The following SMAD1 variants were observed in gnomAD, a reference collection of about 807,000 sequenced individuals.
The protein encoded by SMAD1 is MAD, mothers against decapentaplegic homolog 1.
Under a neutral mutation model 41.6 loss-of-function variants are expected in SMAD1, and 6 were observed. The ratio of observed to expected loss-of-function variants is 0.14; its 90% CI spans 0.08 to 0.28. SMAD1 has a LOEUF of 0.28. SMAD1 is among the 10% of genes least tolerant of loss of function. The pLI is 1.00. For missense variants in SMAD1, 379 were observed against 582.6 expected, an observed-to-expected ratio of 0.65 and a Z score of 3.60; for synonymous variants, 206 against 203.2, an observed-to-expected ratio of 1.01 and a Z score of -0.12.
At chr4:145,506,005 G>A (rs773220299) in intron 1 of SMAD1, among the ~76,000 whole-genome samples, 16 of 151,778 alleles carry the variant, frequency 1.1e-4, no homozygotes, top group East Asian at 1.9e-4. Flanking sequence ...CACTATGCCC[G>A]GCTTATTTTT....
intron 2 of SMAD1, among the ~76,000 whole-genome samples, chr4:145,526,820 G>C (rs1190761073): frequency 6.6e-6 from 1 of 152,154 alleles, no homozygotes; most frequent in Non-Finnish European, 1.5e-5. Flanking sequence ...ATGATGGGAA[G>C]AATCTAGGGT....
At chr4:145,512,800 A>G (rs1730156480) in intron 1 of SMAD1, among the ~76,000 whole-genome samples, 1 of 152,144 alleles carries the variant, frequency 6.6e-6, no homozygotes, top group African/African-American at 2.4e-5. Context: ...CTGTGAATTT[A>G]AAATTGTAGT....
intron 1 of SMAD1, among the ~76,000 whole-genome samples, chr4:145,509,453 A>G (rs947775407): frequency 1.3e-5 from 2 of 151,766 alleles, no homozygotes; most frequent in East Asian, 3.8e-4. Flanking sequence ...CTTGCCTTAA[A>G]TAAATACCCC....
At chr4:145,524,322 A>AT (rs899128010) in intron 2 of SMAD1, among the ~76,000 whole-genome samples, 13 of 149,602 alleles carry the variant, frequency 8.7e-5, no homozygotes, top group Non-Finnish European at 1.2e-4. Flanking sequence ...TGTTATTTTA[A>AT]TTTTTTTTTT....
intron 1 of SMAD1, among the ~76,000 whole-genome samples, chr4:145,512,660 A>T (rs2126398832): frequency 6.6e-6 from 1 of 152,276 alleles, no homozygotes; most frequent in South Asian, 2.1e-4. Flanking sequence ...GTAATCATTA[A>T]TACTTTAAAG....
chr4:145,520,770 A>G (rs905474971), intron 2 of SMAD1, among the ~76,000 whole-genome samples: 1 of 152,198 alleles, frequency 6.6e-6, no homozygotes, highest in Non-Finnish European at 1.5e-5. Flanking sequence ...TACTATCTCT[A>G]TCTCTTTGAC....
chr4:145,496,337 G>A lies in SMAD1; in HGVS notation c.-177+14299G>A, dbSNP rs1279296644. ...CTTGGCAGGTTCCTTAACTTTTTTTGTGCCTCAGTTTTGTCATCTATAAAA... is the reference window on the plus strand; with the variant it reads ...CTTGGCAGGTTCCTTAACTTTTTTTATGCCTCAGTTTTGTCATCTATAAAA... On this transcript the variant is annotated intron_variant, in intron 1 of 6. Transcript: ENST00000302085. Among the ~76,000 whole-genome samples the A allele has an allele frequency of 3.9e-5, 6 of 152,056 alleles. No homozygotes were observed. The East Asian group carries it at 1.2e-3, about 29-fold the overall frequency.
chr4:145,524,881 C>T (rs997768363), intron 2 of SMAD1, among the ~76,000 whole-genome samples: 11 of 151,700 alleles, frequency 7.3e-5, no homozygotes, highest in Admixed American at 5.3e-4. Flanking sequence ...AGAAAAAAAC[C>T]AGGCCAATGT....
intron 1 of SMAD1, among the ~76,000 whole-genome samples, chr4:145,510,127 G>A (rs1729997277): frequency 6.6e-6 from 1 of 152,050 alleles, no homozygotes; most frequent in Non-Finnish European, 1.5e-5. Flanking sequence ...TAATTTCTGA[G>A]GCTAACGATT....
chr4:145,558,725 C>T lies in SMAD1; in HGVS notation c.*791C>T, dbSNP rs977098214. 1.9e-5 allele frequency among the ~76,000 whole-genome samples: 2 copies of T among 105,752 alleles called. No individual in the cohort carries two copies. Among genetic ancestry groups the T allele is most frequent in the African/African-American group, 7.6e-5 (2 of 26,490 alleles). 69.4% of individuals were successfully genotyped at this position (105,752 alleles called of 152,430 possible). A position where few individuals can be genotyped will look rare whatever the true frequency, so the allele number is the denominator to read the frequency against. On this transcript the variant is annotated 3_prime_UTR_variant, in exon 7 of 7. Coordinates refer to ENST00000302085, the MANE Select transcript of SMAD1 (RefSeq NM_005900.3). ...GTTTCCATTTTTTAGAGATTTTTATCATTTTTTTCTCTCTCGGCATTCTTT... is the reference window on the plus strand; with the variant it reads ...GTTTCCATTTTTTAGAGATTTTTATTATTTTTTTCTCTCTCGGCATTCTTT...
intron 6 of SMAD1, among the ~76,000 whole-genome samples, chr4:145,556,908 C>T (rs1284082855): frequency 6.6e-6 from 1 of 152,010 alleles, no homozygotes; most frequent in African/African-American, 2.4e-5. Context: ...GAACTCCCGA[C>T]CTCAGGTGAT....
At chr4:145,490,443 A>G (rs187386869) in intron 1 of SMAD1, among the ~76,000 whole-genome samples, 4 of 152,352 alleles carry the variant, frequency 2.6e-5, no homozygotes, top group African/African-American at 7.2e-5. Context: ...GGCAATCTAT[A>G]GAGAAGTCAA....
chr4:145,523,424 T>C (rs952535245), intron 2 of SMAD1, among the ~76,000 whole-genome samples: 3 of 152,128 alleles, frequency 2.0e-5, no homozygotes, highest in Admixed American at 1.3e-4. Flanking sequence ...CTTAAATCAG[T>C]TTACAGGTTT....
At chr4:145,499,166 C>CT (rs1348176297) in intron 1 of SMAD1, among the ~76,000 whole-genome samples, 1 of 152,162 alleles carries the variant, frequency 6.6e-6, no homozygotes, top group East Asian at 1.9e-4. Flanking sequence ...TTGTTATTCC[C>CT]TTTATACTAT....
intron 2 of SMAD1, among the ~76,000 whole-genome samples, chr4:145,518,341 A>G (rs1730537033): frequency 8.0e-6 from 1 of 124,638 alleles, no homozygotes; most frequent in Non-Finnish European, 2.0e-5. Context: ...ATACAAAAAT[A>G]AGCCTGGCGA....
rs1366135380 is a variant in SMAD1, at chr4:145,514,077, A to G, written c.-176-361A>G. 6.6e-6 allele frequency among the ~76,000 whole-genome samples: 1 copy of G among 152,212 alleles called. No individual in the cohort carries two copies. Among genetic ancestry groups the G allele is most frequent in the Non-Finnish European group, 1.5e-5 (1 of 68,026 alleles). ...CCAAGATCAAGGTTCTGGACAATAC[A>G]GGCTCTGGTGAGGGCTCTCTTCCTG... is the stretch of plus-strand genomic sequence containing the variant. On this transcript the variant is annotated intron_variant, in intron 1 of 6. Coordinates refer to ENST00000302085, the MANE Select transcript of SMAD1 (RefSeq NM_005900.3). The surrounding 1 kb of genome is among the most constrained non-coding windows in gnomAD (Gnocchi z 4.7).
intron 1 of SMAD1, among the ~76,000 whole-genome samples, chr4:145,489,023 TA>T (rs1294989945): frequency 6.6e-6 from 1 of 152,218 alleles, no homozygotes; most frequent in Non-Finnish European, 1.5e-5. Context: ...GAGTGTTGAG[TA>T]TCTGTAGAGC....
At chr4:145,557,138 G>A (rs755716843) in intron 6 of SMAD1, among the ~76,000 whole-genome samples, 2 of 152,208 alleles carry the variant, frequency 1.3e-5, no homozygotes, top group Non-Finnish European at 2.9e-5. Context: ...TGCAGTAGCA[G>A]TTACTTTTCT....
chr4:145,495,099 A>G (rs1051146787), intron 1 of SMAD1, among the ~76,000 whole-genome samples: 1 of 152,168 alleles, frequency 6.6e-6, no homozygotes, highest in African/African-American at 2.4e-5. Context: ...TATGTCAGAA[A>G]AATTTTTGGT....
Sources: allele counts gnomAD v4.1 joint callset (sites outside exome capture counted in the v4.1 genomes callset), GRCh38; gene constraint gnomAD v4.1.1; non-coding constraint Gnocchi (gnomAD v3.1); transcripts MANE v1.5; gene names NCBI Gene and HGNC (gene_info 2026-07-23, HGNC 2026-07-21).